The following KAZN variants were observed in gnomAD, a reference collection of about 807,000 sequenced individuals.
KAZN encodes kazrin, periplakin interacting protein.
A neutral mutation model predicts 87.4 loss-of-function variants in KAZN; 40 were observed. That is an observed-to-expected ratio of 0.46 (90% confidence interval 0.36 to 0.60). KAZN has a LOEUF of 0.60. KAZN is among the 20% of genes least tolerant of loss of function. The pLI, the probability that KAZN is intolerant of heterozygous loss-of-function variation, is 0.00. For missense variants in KAZN, 898 were observed against 1,073.9 expected (o/e 0.84, Z 2.29); for synonymous variants, 466 against 458.3 (o/e 1.02, Z -0.22).
intron 2 of KAZN, among the ~76,000 whole-genome samples, chr1:14,588,016 C>T (rs1342255021): frequency 6.6e-6 from 1 of 152,146 alleles, no homozygotes; most frequent in Non-Finnish European, 1.5e-5. Context: ...TCCCTGTGGC[C>T]TGTGGCTGAG....
At chr1:14,646,935 T>C (rs951647028) in intron 1 of KAZN, among the ~76,000 whole-genome samples, 1 of 152,198 alleles carries the variant, frequency 6.6e-6, no homozygotes, top group African/African-American at 2.4e-5. Flanking sequence ...TGTGAGCCTG[T>C]GCAAAGGAGC....
intron 13 of KAZN, among the ~76,000 whole-genome samples, chr1:15,106,627 C>T (rs1055748265): frequency 6.6e-6 from 1 of 152,090 alleles, no homozygotes; most frequent in Non-Finnish European, 1.5e-5. Context: ...AATCAATGAA[C>T]CTCTCAATGA....
chr1:14,548,963 T>C (rs1286661245), intron 2 of KAZN, among the ~76,000 whole-genome samples: 7 of 152,248 alleles, frequency 4.6e-5, no homozygotes, highest in Non-Finnish European at 1.0e-4. Flanking sequence ...AATAATTTTA[T>C]AATTTTATCC....
intron 1 of KAZN, among the ~76,000 whole-genome samples, chr1:14,781,517 A>C (rs1029890425): frequency 5.9e-5 from 9 of 152,214 alleles, no homozygotes. Context: ...ACAAATGCAA[A>C]CTGAACATCT....
chr1:14,260,991 A>G (rs532357994), intron 2 of KAZN, among the ~76,000 whole-genome samples: 10 of 152,326 alleles, frequency 6.6e-5, no homozygotes, highest in African/African-American at 2.2e-4. Flanking sequence ...CATACTCTTT[A>G]CATGTGAACA....
chr1:14,976,252 T>C (rs925366842), intron 2 of KAZN, among the ~76,000 whole-genome samples: 3 of 152,104 alleles, frequency 2.0e-5, no homozygotes, highest in Non-Finnish European at 4.4e-5. Flanking sequence ...CACTGCAGCC[T>C]CAACTTCCTG....
intron 7 of KAZN, among the ~76,000 whole-genome samples, chr1:15,064,809 G>A (rs904331489): frequency 6.6e-6 from 1 of 152,210 alleles, no homozygotes; most frequent in Non-Finnish European, 1.5e-5. Flanking sequence ...GGCAGACAGG[G>A]CCTGTGGCCA....
At chr1:14,467,157 T>A (rs1668202630) in intron 2 of KAZN, among the ~76,000 whole-genome samples, 1 of 152,096 alleles carries the variant, frequency 6.6e-6, no homozygotes, top group Non-Finnish European at 1.5e-5. Context: ...TAAAATGTAA[T>A]TTGTATGACA....
In KAZN at chr1:14,375,240, G is replaced by A. The variant is rs1268267441; in HGVS notation, c.249+194648G>A. On this transcript the variant is annotated intron_variant, in intron 2 of 16. Coordinates refer to the KAZN transcript ENST00000636203. ...GCATCATACACACTTCAGAAAGAGTGCAGGAGGTTAGATTCAAAAATAAGG... is the reference window on the plus strand; with the variant it reads ...GCATCATACACACTTCAGAAAGAGTACAGGAGGTTAGATTCAAAAATAAGG... Among the ~76,000 whole-genome samples the A allele has an allele frequency of 3.3e-5, 5 of 152,170 alleles. No homozygotes were observed. In the East Asian group the frequency reaches 9.6e-4, roughly 29 times the overall value.
chr1:13,990,553 A>G (rs553058299), intron 1 of KAZN, among the ~76,000 whole-genome samples: 17 of 152,324 alleles, frequency 1.1e-4, no homozygotes, highest in African/African-American at 4.1e-4. Flanking sequence ...GAGAGGGGAC[A>G]CGCGGGAGCT....
intron 2 of KAZN, among the ~76,000 whole-genome samples, chr1:14,983,012 C>G (rs538264290): frequency 6.6e-6 from 1 of 152,214 alleles, no homozygotes; most frequent in African/African-American, 2.4e-5. Flanking sequence ...CCGCAGCAGA[C>G]GCCCTGCAGC....
In KAZN at chr1:14,599,574, C is replaced by T. The variant is rs184097617; in HGVS notation, c.226+351C>T. On this transcript the variant is annotated intron_variant, in intron 1 of 14. Coordinates refer to ENST00000376030, the MANE Select transcript of KAZN (RefSeq NM_201628.3). The surrounding 1 kb of genome is among the most constrained non-coding windows in gnomAD (Gnocchi z 4.4). ...TTTTCATGCCGGGGCCTTTTCCCCA[C>T]CCCCCGCAGGGGTGAATGGCACAGT... 9.9e-5 allele frequency among the ~76,000 whole-genome samples: 15 copies of T among 152,268 alleles called. No individual in the cohort carries two copies. The East Asian group carries it at 2.7e-3, about 28-fold the overall frequency.
chr1:13,957,772 C>T (rs752387224), intron 1 of KAZN, among the ~76,000 whole-genome samples: 4 of 152,056 alleles, frequency 2.6e-5, no homozygotes, highest in African/African-American at 7.2e-5. Flanking sequence ...TGGGGGATGG[C>T]GTTAATCTAT....
At chr1:14,824,133 G>T (rs1368325465) in intron 1 of KAZN, among the ~76,000 whole-genome samples, 1 of 137,188 alleles carries the variant, frequency 7.3e-6, no homozygotes, top group South Asian at 2.3e-4. Context: ...AAAAAAAAAG[G>T]TTAAAAATCC....
At chr1:14,425,813 C>T (rs1209251924) in intron 2 of KAZN, among the ~76,000 whole-genome samples, 1 of 152,144 alleles carries the variant, frequency 6.6e-6, no homozygotes, top group Admixed American at 6.5e-5. Context: ...TCAGAAGTTG[C>T]AGGATTTATC....
At chr1:15,098,585 C>T (rs1011303007) in intron 10 of KAZN, among the ~76,000 whole-genome samples, 1 of 152,246 alleles carries the variant, frequency 6.6e-6, no homozygotes, top group South Asian at 2.1e-4. Flanking sequence ...TCATCAGTGA[C>T]AAATCTGGCC....
chr1:14,550,738 T>TC (rs1553187537), intron 2 of KAZN, among the ~76,000 whole-genome samples: 16 of 37,984 alleles, frequency 4.2e-4, no homozygotes, highest in South Asian at 1.8e-3. Flanking sequence ...TCTCTCTCTC[T>TC]CCCCCACCCC....
chr1:14,981,537 G>A (rs1037993975), intron 2 of KAZN, among the ~76,000 whole-genome samples: 1 of 152,248 alleles, frequency 6.6e-6, no homozygotes, highest in African/African-American at 2.4e-5. Context: ...AGTGGTATCT[G>A]CATGCAACCC....
intron 1 of KAZN, among the ~76,000 whole-genome samples, chr1:14,659,844 C>A (rs895718489): frequency 4.0e-5 from 6 of 151,440 alleles, no homozygotes; most frequent in African/African-American, 1.5e-4. Context: ...ACCCTGAATG[C>A]CAGCCCCCAG....
Sources: gnomAD v4.1 joint callset for allele counts (sites outside exome capture counted in the v4.1 genomes callset) on GRCh38, gnomAD v4.1.1 for gene constraint, Gnocchi (gnomAD v3.1) non-coding constraint, MANE v1.5 for transcripts, NCBI Gene and HGNC (gene_info 2026-07-23, HGNC 2026-07-21) for gene names.